Variants in NRCAM observed in about 807,000 individuals in gnomAD.
The protein encoded by NRCAM is neuronal cell adhesion molecule, also known as NgCAM-related cell adhesion molecule.
In NRCAM, 83 loss-of-function variants were observed where a neutral mutation model predicts 156.5. The ratio of observed to expected loss-of-function variants is 0.53; its 90% CI spans 0.44 to 0.64. The LOEUF (loss-of-function observed/expected upper bound fraction) is 0.64. NRCAM is among the 30% of genes least tolerant of loss of function. NRCAM has a pLI of 0.00. For missense variants in NRCAM, 1,417 were observed against 1,597.3 expected, an observed-to-expected ratio of 0.89 and a Z score of 1.92; for synonymous variants, 538 against 563.9, an observed-to-expected ratio of 0.95 and a Z score of 0.65.
intron 2 of NRCAM, among the ~76,000 whole-genome samples, chr7:108,364,431 T>A (rs1454775253): frequency 6.6e-6 from 1 of 152,148 alleles, no homozygotes; most frequent in African/African-American, 2.4e-5. Context: ...ATAGGCACTT[T>A]GAAAAACAGT....
At chr7:108,265,405 GC>G (rs1273154556) in intron 3 of NRCAM, among the ~76,000 whole-genome samples, 1 of 152,156 alleles carries the variant, frequency 6.6e-6, no homozygotes, top group Admixed American at 6.5e-5. Flanking sequence ...TCACAGCACA[GC>G]TTTTTTGGGG....
chr7:108,400,143 C>T (rs149339749), intron 1 of NRCAM, among the ~76,000 whole-genome samples: 1 of 152,212 alleles, frequency 6.6e-6, no homozygotes, highest in African/African-American at 2.4e-5. Context: ...AAAGGGGTTG[C>T]TGAACACACC....
chr7:108,369,086 A>G (rs2099612522), intron 2 of NRCAM, among the ~76,000 whole-genome samples: 1 of 152,170 alleles, frequency 6.6e-6, no homozygotes, highest in Non-Finnish European at 1.5e-5. Context: ...ATTTTTCAAT[A>G]AAAACAGAAG....
chr7:108,255,137 T>C (rs1408262959), intron 3 of NRCAM, among the ~76,000 whole-genome samples: 3 of 151,832 alleles, frequency 2.0e-5, no homozygotes, highest in Non-Finnish European at 4.4e-5. Context: ...CTCAAAACTA[T>C]GCTGAGTGAG....
chr7:108,300,135 T>C (rs2154148311), intron 3 of NRCAM, among the ~76,000 whole-genome samples: 1 of 147,186 alleles, frequency 6.8e-6, no homozygotes, highest in Admixed American at 6.8e-5. Flanking sequence ...CATACAAATG[T>C]AATCCTTCCC....
At chr7:108,327,530 C>T (rs1457846220) in intron 2 of NRCAM, among the ~76,000 whole-genome samples, 1 of 151,964 alleles carries the variant, frequency 6.6e-6, no homozygotes, top group Middle Eastern at 3.2e-3. Context: ...TCTAAAGATG[C>T]AAAACTTTGG....
intron 12 of NRCAM, 80 bp from the exon 13 acceptor site, chr7:108,207,739 T>C: frequency 8.1e-7 from 1 of 1,240,176 alleles, no homozygotes; most frequent in Admixed American, 2.5e-5. Context: ...ACTATTTTAA[T>C]AATACAAGCA....
intron 2 of NRCAM, among the ~76,000 whole-genome samples, chr7:108,363,707 T>A (rs1227274911): frequency 1.3e-5 from 2 of 152,226 alleles, no homozygotes; most frequent in Admixed American, 1.3e-4. Context: ...ATGTTGATAG[T>A]ATATATTTTT....
chr7:108,303,072 G>A (rs763046588), intron 3 of NRCAM, among the ~76,000 whole-genome samples: 7 of 152,010 alleles, frequency 4.6e-5, no homozygotes, highest in African/African-American at 1.4e-4. Context: ...AGCAATTCTC[G>A]TGCCTCAGCC....
intron 1 of NRCAM, among the ~76,000 whole-genome samples, chr7:108,435,569 A>T (rs1210422466): frequency 6.6e-6 from 1 of 152,220 alleles, no homozygotes; most frequent in Non-Finnish European, 1.5e-5. Flanking sequence ...TTCAACAAAC[A>T]CTAGTCAGGA....
intron 2 of NRCAM, among the ~76,000 whole-genome samples, chr7:108,384,142 T>C (rs1032971495): frequency 2.0e-5 from 3 of 152,084 alleles, no homozygotes; most frequent in Non-Finnish European, 4.4e-5. Flanking sequence ...AACTATTGGG[T>C]ACTGGGCTTA....
intron 2 of NRCAM, among the ~76,000 whole-genome samples, chr7:108,327,650 T>TTTGAAGA (rs1218816900): frequency 6.6e-6 from 1 of 152,188 alleles, no homozygotes; most frequent in African/African-American, 2.4e-5. Context: ...ACAGATGGTC[T>TTTGAAGA]TTGAAGATGT....
At chr7:108,444,069 T>C (rs1841806582) in intron 1 of NRCAM, among the ~76,000 whole-genome samples, 1 of 151,922 alleles carries the variant, frequency 6.6e-6, no homozygotes, top group South Asian at 2.1e-4. Flanking sequence ...AAAATATCCT[T>C]AAATAAATAA....
chr7:108,401,735 C>T (rs928897360), intron 1 of NRCAM, among the ~76,000 whole-genome samples: 7 of 152,098 alleles, frequency 4.6e-5, no homozygotes, highest in Admixed American at 1.3e-4. Flanking sequence ...TGATGGACCT[C>T]GAATTTTAGA....
At chr7:108,445,842 C>T (rs1208728914) in intron 1 of NRCAM, among the ~76,000 whole-genome samples, 4 of 152,266 alleles carry the variant, frequency 2.6e-5, no homozygotes, top group Non-Finnish European at 5.9e-5. Flanking sequence ...TAACTAGTTA[C>T]GAAAGGCCAT....
chr7:108,295,208 G>A (rs2154132394), intron 3 of NRCAM, among the ~76,000 whole-genome samples: 1 of 152,268 alleles, frequency 6.6e-6, no homozygotes, highest in African/African-American at 2.4e-5. Flanking sequence ...TCTTTACAGA[G>A]GGCTCGCTCT....
chr7:108,372,591 T>C (rs2099635743), intron 2 of NRCAM, among the ~76,000 whole-genome samples: 1 of 152,004 alleles, frequency 6.6e-6, no homozygotes, highest in Admixed American at 6.6e-5. Flanking sequence ...AATAGGTATA[T>C]TAAAAAAAGT....
rs368271782 is a variant in NRCAM at position 108,191,746 on chromosome 7, G to A, written c.1886C>T (p.Ala629Val). The A allele has an allele frequency of 1.1e-5, 18 of 1,613,500 alleles. No homozygotes were observed. Among genetic ancestry groups the A allele is most frequent in the Non-Finnish European group, 1.5e-5 (18 of 1,179,626 alleles). Residue 629 changes from alanine (A) to valine (V), a missense_variant, in exon 18 of 33, where the codon GCT becomes GTT. Transcript: ENST00000379028. ...GTTCTTACCAACAACGCTAAGCACAGCGCTGGCGGAGACGCTGTCCAGAGT... is the reference window on the plus strand; with the variant it reads ...GTTCTTACCAACAACGCTAAGCACAACGCTGGCGGAGACGCTGTCCAGAGT... ...NTTLDSVSAS[A>V]VLSVVAPTPT... is the part of the protein sequence containing the mutation.
At chr7:108,327,168 T>C (rs1360950002) in intron 2 of NRCAM, among the ~76,000 whole-genome samples, 1 of 152,166 alleles carries the variant, frequency 6.6e-6, no homozygotes, top group East Asian at 1.9e-4. Flanking sequence ...AGGATACTGG[T>C]CCGAATGCCT....
Sources: gnomAD v4.1 joint callset for allele counts (sites outside exome capture counted in the v4.1 genomes callset) on GRCh38, gnomAD v4.1.1 for gene constraint, MANE v1.5 for transcripts, NCBI Gene and HGNC (gene_info 2026-07-23, HGNC 2026-07-21) for gene names.